ZBTB7C: variants seen among roughly 807,000 people sequenced by gnomAD.
The protein encoded by ZBTB7C is zinc finger and BTB domain-containing protein 7C.
Under a neutral mutation model 25.7 loss-of-function variants are expected in ZBTB7C, and 8 were observed. The ratio of observed to expected loss-of-function variants is 0.31; its 90% CI spans 0.18 to 0.56. ZBTB7C has a LOEUF of 0.56. Among genes scored for constraint, ZBTB7C ranks in the 20% least tolerant of loss-of-function variants. ZBTB7C has a pLI of 0.91. For missense variants in ZBTB7C, 824 were observed against 855.2 expected (o/e 0.96, Z 0.46); for synonymous variants, 394 against 369.0 (o/e 1.07, Z -0.78).
At chr18:48,364,794 T>C (rs979606712) in intron 1 of ZBTB7C, among the ~76,000 whole-genome samples, 4 of 152,236 alleles carry the variant, frequency 2.6e-5, no homozygotes, top group African/African-American at 9.6e-5. Flanking sequence ...ACCTTTTACC[T>C]TTTGTGCACA....
At chr18:48,046,885 G>C (rs2036493846) in intron 3 of ZBTB7C, among the ~76,000 whole-genome samples, 1 of 152,230 alleles carries the variant, frequency 6.6e-6, no homozygotes, top group Non-Finnish European at 1.5e-5. Flanking sequence ...TGAGGAGCCA[G>C]AAGCGCAAAG....
intron 2 of ZBTB7C, among the ~76,000 whole-genome samples, chr18:48,298,352 C>T (rs2045455137): frequency 1.3e-5 from 2 of 151,654 alleles, no homozygotes; most frequent in Non-Finnish European, 2.9e-5. Context: ...TGCCCCCTGT[C>T]CTTCCCTTTG....
intron 2 of ZBTB7C, among the ~76,000 whole-genome samples, chr18:48,205,075 C>T (rs1026590026): frequency 1.3e-5 from 2 of 152,026 alleles, no homozygotes; most frequent in Admixed American, 1.3e-4. Flanking sequence ...GCCCTGGGGA[C>T]ACTCTTCTTT....
chr18:48,303,076 A>T (rs566987591), intron 2 of ZBTB7C, among the ~76,000 whole-genome samples: 1 of 152,300 alleles, frequency 6.6e-6, no homozygotes, highest in East Asian at 1.9e-4. Flanking sequence ...GGAGTGCTTA[A>T]TGTGCACCCA....
At chr18:48,057,247 A>T (rs963230665) in intron 3 of ZBTB7C, among the ~76,000 whole-genome samples, 1 of 152,200 alleles carries the variant, frequency 6.6e-6, no homozygotes, top group Non-Finnish European at 1.5e-5. Context: ...TTATAGATAT[A>T]TATCTTGCAA....
intron 2 of ZBTB7C, among the ~76,000 whole-genome samples, chr18:48,322,569 A>G (rs1027466692): frequency 2.3e-4 from 35 of 152,196 alleles, no homozygotes; most frequent in African/African-American, 8.4e-4. Context: ...GGATGCGATA[A>G]AAAGGGAACA....
intron 3 of ZBTB7C, among the ~76,000 whole-genome samples, chr18:48,167,595 T>TGTGTGTGTGTGTGTGTGTGC (rs1482842757): frequency 6.7e-5 from 10 of 150,190 alleles, no homozygotes; most frequent in African/African-American, 2.2e-4. Context: ...TGTGTGTGTG[T>TGTGTGTGTGTGTGTGTGTGC]GTGCGCGCGT....
chr18:48,393,063 A>G (rs896699263), intron 1 of ZBTB7C, among the ~76,000 whole-genome samples: 6 of 152,198 alleles, frequency 3.9e-5, no homozygotes, highest in African/African-American at 1.4e-4. Context: ...GGTTTTCACT[A>G]AATATGCTGA....
At chr18:48,235,787 G>A (rs1355827599) in intron 2 of ZBTB7C, among the ~76,000 whole-genome samples, 1 of 152,168 alleles carries the variant, frequency 6.6e-6, no homozygotes, top group Non-Finnish European at 1.5e-5. Flanking sequence ...TTGCTGCTGA[G>A]AAGTCAGCTG....
At chr18:48,214,506 G>A (rs941758616) in intron 2 of ZBTB7C, among the ~76,000 whole-genome samples, 8 of 152,206 alleles carry the variant, frequency 5.3e-5, no homozygotes, top group Non-Finnish European at 1.0e-4. Flanking sequence ...GATAAAACAG[G>A]ATGCAGTAAA....
intron 1 of ZBTB7C, among the ~76,000 whole-genome samples, chr18:48,398,090 C>T (rs939128627): frequency 1.3e-4 from 20 of 152,204 alleles, no homozygotes; most frequent in African/African-American, 4.8e-4. Context: ...CATCCTGAGC[C>T]CCTGAAAGGG....
intron 2 of ZBTB7C, among the ~76,000 whole-genome samples, chr18:48,310,556 CTG>C (rs140409364): frequency 2.7e-5 from 4 of 150,892 alleles, no homozygotes; most frequent in Middle Eastern, 3.2e-3. Context: ...GTGTGTGTGT[CTG>C]TGTGTGTGTG....
At chr18:48,151,908 G>T (rs1351825838) in intron 3 of ZBTB7C, among the ~76,000 whole-genome samples, 2 of 152,186 alleles carry the variant, frequency 1.3e-5, no homozygotes, top group Non-Finnish European at 2.9e-5. Context: ...GTCAGATGTA[G>T]ATATGCGGGT....
At position 48,142,614 on chromosome 18, in the gene ZBTB7C, G is replaced by C. The variant is rs191301290; in HGVS notation, c.-17+43320C>G. 3.7e-3 allele frequency among the ~76,000 whole-genome samples: 561 copies of C among 152,290 alleles called. 5 individuals are homozygous for C. Among genetic ancestry groups the C allele is most frequent in the African/African-American group, 0.013 (530 of 41,556 alleles). ...ATCAGGCACCCACTGTGGGAGGAGG[G>C]GAGGGTGCCAGGCAGGAGCTTCAGC... is the stretch of plus-strand genomic sequence containing the variant. On this transcript the variant is annotated intron_variant, in intron 3 of 4. Transcript: ENST00000590800.
chr18:48,400,108 A>G (rs374927518), intron 1 of ZBTB7C, among the ~76,000 whole-genome samples: 16 of 152,224 alleles, frequency 1.1e-4, no homozygotes, highest in African/African-American at 3.9e-4. Flanking sequence ...GTAACAATTA[A>G]TGCCCCTGCC....
At chr18:48,210,413 A>AATTG (rs1425400333) in intron 2 of ZBTB7C, among the ~76,000 whole-genome samples, 1 of 152,240 alleles carries the variant, frequency 6.6e-6, no homozygotes. Flanking sequence ...AATGTCCATC[A>AATTG]ATTGATGAAT....
At chr18:48,191,925 C>A (rs762780435) in intron 2 of ZBTB7C, among the ~76,000 whole-genome samples, 1 of 152,192 alleles carries the variant, frequency 6.6e-6, no homozygotes, top group Non-Finnish European at 1.5e-5. Flanking sequence ...ACCATAGACT[C>A]CAGCAATCAC....
At chr18:48,397,470 T>C (rs1206710210) in intron 1 of ZBTB7C, among the ~76,000 whole-genome samples, 1 of 152,170 alleles carries the variant, frequency 6.6e-6, no homozygotes, top group Admixed American at 6.5e-5. Flanking sequence ...GCTCTTCCAC[T>C]TCCAGATAGC....
Position 48,368,438 on chromosome 18 carries a change from C to T in ZBTB7C, c.-303-30040G>A, listed in dbSNP as rs995601650. 6.6e-5 allele frequency among the ~76,000 whole-genome samples: 10 copies of T among 152,098 alleles called. No homozygotes were observed. The South Asian group carries it at 1.2e-3, about 19-fold the overall frequency. Reference sequence around the variant, plus strand: ...GAAAATAGACTAGGGGAAATAAAAGCCTCAGGGACCTGTGGTACTATAACA... The same window carrying T: ...GAAAATAGACTAGGGGAAATAAAAGTCTCAGGGACCTGTGGTACTATAACA... On this transcript the variant is annotated intron_variant, in intron 1 of 4. Transcript: ENST00000590800.
Sources: allele counts gnomAD v4.1 joint callset (sites outside exome capture counted in the v4.1 genomes callset), GRCh38; gene constraint gnomAD v4.1.1; transcripts MANE v1.5; gene names NCBI Gene and HGNC (gene_info 2026-07-23, HGNC 2026-07-21).